SERPINA6: variants seen among roughly 807,000 people sequenced by gnomAD.
The protein encoded by SERPINA6 is serpin family A member 6, also known as corticosteroid-binding globulin.
A neutral mutation model predicts 26.4 loss-of-function variants in SERPINA6; 19 were observed. The observed-to-expected ratio is 0.72, with a 90% CI of 0.50 to 1.06. The LOEUF is 1.06. SERPINA6 is among the 50% of genes least tolerant of loss of function. The probability of loss-of-function intolerance (pLI) is 0.00; values close to 1 mark genes in which losing one functional copy is unlikely to be tolerated. For missense variants in SERPINA6, 473 were observed against 504.0 expected, an observed-to-expected ratio of 0.94 and a Z score of 0.59; for synonymous variants, 196 against 199.4, an observed-to-expected ratio of 0.98 and a Z score of 0.14.
intron 2 of SERPINA6, among the ~76,000 whole-genome samples, chr14:94,311,069 T>C (rs8005533): frequency 0.48 from 72,245 of 152,086 alleles, 18,368 homozygotes; most frequent in East Asian, 0.93. Flanking sequence ...TTGTAATAGC[T>C]ACTTATGGAG....
intron 1 of SERPINA6, chr14:94,314,892 A>G: frequency 1.7e-6 from 1 of 602,244 alleles, no homozygotes; most frequent in Non-Finnish European, 3.0e-6. Flanking sequence ...GGTACCCAAC[A>G]CTGATCTAGG....
intron 3 of SERPINA6, among the ~76,000 whole-genome samples, chr14:94,307,322 G>A (rs1205250901): frequency 6.6e-6 from 1 of 152,180 alleles, no homozygotes; most frequent in Non-Finnish European, 1.5e-5. Flanking sequence ...ACTTAAGAGA[G>A]GTTGAGGAAT....
At chr14:94,318,380 G>A (rs1895640513) in intron 1 of SERPINA6, among the ~76,000 whole-genome samples, 1 of 151,822 alleles carries the variant, frequency 6.6e-6, no homozygotes, top group African/African-American at 2.4e-5. Flanking sequence ...TACTGAAGAA[G>A]AACAAAGTTG....
Position 94,314,032 on chromosome 14 carries a change from A to C in SERPINA6, c.613+4T>G, listed in dbSNP as rs1663937802. 6.2e-7 allele frequency: 1 copy of C among 1,614,160 alleles called. No homozygotes were observed. On this transcript the variant is annotated splice_donor_region_variant and intron_variant, in intron 2 of 4. Coordinates refer to ENST00000341584, the MANE Select transcript of SERPINA6 (RefSeq NM_001756.4). ...GGCCTTCAGATGGGGATGGGTGGGA[A>C]TACCTTTGAAGAAGATATAGTTGAC... is the stretch of plus-strand genomic sequence containing the variant.
intron 1 of SERPINA6, 169 bp from the exon 2 acceptor site, chr14:94,314,836 C>G (rs1895590866): frequency 3.0e-6 from 2 of 656,536 alleles, no homozygotes; most frequent in Non-Finnish European, 5.4e-6. Context: ...GTTTCCTCAT[C>G]TGGAGATATG....
rs1566725122 is a variant in SERPINA6, at chr14:94,304,463, G to A, written c.1173C>T (p.Phe391=). 3.7e-6 allele frequency: 6 copies of A among 1,614,208 alleles called. No homozygotes were observed. In the East Asian group the frequency reaches 8.9e-5, roughly 24 times the overall value. ...TCGCCAGGAAAAGGCTGCTCCAGGT[G>A]AAGTGGTCGAAGATCATGATGATGA... The part of the protein sequence containing the change: ...QPFIIMIFDH[F]TWSSLFLARV... Residue 391 remains phenylalanine, a synonymous_variant, in exon 5 of 5, where the codon TTC becomes TTT. Coordinates refer to ENST00000341584, the MANE Select transcript of SERPINA6 (RefSeq NM_001756.4).
intron 3 of SERPINA6, among the ~76,000 whole-genome samples, chr14:94,307,611 A>T (rs1199664195): frequency 6.6e-6 from 1 of 152,208 alleles, no homozygotes; most frequent in Admixed American, 6.5e-5. Flanking sequence ...TTGTGGTATT[A>T]CACCTAAATT....
At chr14:94,321,188 A>T (rs535754420) in intron 1 of SERPINA6, among the ~76,000 whole-genome samples, 1 of 151,952 alleles carries the variant, frequency 6.6e-6, no homozygotes, top group African/African-American at 2.4e-5. Flanking sequence ...CTCTCTCAGG[A>T]CTCAGCAGTA....
At chr14:94,320,181 C>A (rs1409147584) in intron 1 of SERPINA6, among the ~76,000 whole-genome samples, 2 of 152,128 alleles carry the variant, frequency 1.3e-5, no homozygotes, top group African/African-American at 2.4e-5. Context: ...GTTGAACCAG[C>A]CATTCTGGGT....
chr14:94,317,429 C>G (rs577234318), intron 1 of SERPINA6, among the ~76,000 whole-genome samples: 5 of 152,286 alleles, frequency 3.3e-5, no homozygotes, highest in Non-Finnish European at 7.4e-5. Flanking sequence ...TGGGGTGGAG[C>G]TGTGGGAAGT....
intron 3 of SERPINA6, among the ~76,000 whole-genome samples, chr14:94,307,486 T>A (rs572674352): frequency 6.6e-6 from 1 of 152,372 alleles, no homozygotes; most frequent in Admixed American, 6.5e-5. Flanking sequence ...CACATTGAAG[T>A]ATTTTCATGA....
intron 4 of SERPINA6, among the ~76,000 whole-genome samples, chr14:94,305,457 C>T (rs563021889): frequency 6.6e-6 from 1 of 152,314 alleles, no homozygotes; most frequent in South Asian, 2.1e-4. Flanking sequence ...GAGAAGGCAG[C>T]TGTGTTGACT....
Position 94,309,910 on chromosome 14 carries a change from G to C in SERPINA6, c.710C>G (p.Ser237Trp), listed in dbSNP as rs756246894. Residue 237 changes from serine (S) to tryptophan (W), a missense_variant, in exon 3 of 5, where the codon TCG becomes TGG. Transcript: ENST00000341584. ...TVVKVPMMLQ[S>W]STISYLHDSE... Reference sequence around the variant, plus strand: ...GTCATGAAGGTAACTGATGGTGCTCGACTGCAACATCATGGGCACCTTCAC... The same window carrying C: ...GTCATGAAGGTAACTGATGGTGCTCCACTGCAACATCATGGGCACCTTCAC... 6 of 1,614,088 alleles carry C rather than the reference G, an allele frequency of 3.7e-6. No individual in the cohort carries two copies. Among genetic ancestry groups the C allele is most frequent in the Non-Finnish European group, 5.1e-6 (6 of 1,179,984 alleles).
intron 1 of SERPINA6, among the ~76,000 whole-genome samples, chr14:94,315,411 T>G (rs932174351): frequency 5.3e-5 from 8 of 152,254 alleles, no homozygotes; most frequent in African/African-American, 1.7e-4. Context: ...TTAATTTATT[T>G]TCTCTATTGT....
chr14:94,322,569 C>T (rs2139730185), intron 1 of SERPINA6, among the ~76,000 whole-genome samples: 1 of 152,280 alleles, frequency 6.6e-6, no homozygotes, highest in Middle Eastern at 3.4e-3. Context: ...TGCAGAGTAT[C>T]AATATTATTC....
intron 1 of SERPINA6, among the ~76,000 whole-genome samples, chr14:94,321,211 T>C (rs941130752): frequency 6.6e-6 from 1 of 152,176 alleles, no homozygotes; most frequent in Admixed American, 6.5e-5. Context: ...CCCTACCTCG[T>C]CTCCCTGCCT....
At chr14:94,311,495 G>A (rs1300811337) in intron 2 of SERPINA6, among the ~76,000 whole-genome samples, 1 of 152,092 alleles carries the variant, frequency 6.6e-6, no homozygotes, top group Non-Finnish European at 1.5e-5. Flanking sequence ...TCTACTTTAA[G>A]GGATCTATTC....
At position 94,314,612 on chromosome 14, in the gene SERPINA6, G is replaced by A. The variant is rs772782016; in HGVS notation, c.37C>T (p.Pro13Ser). The change falls in exon 2 of 5, where the codon CCC becomes TCC. Residue 13 changes from proline to serine, a missense_variant. Coordinates refer to ENST00000341584, the MANE Select transcript of SERPINA6 (RefSeq NM_001756.4). ...LLLYTCLLWL[P>S]TSGLWTVQAM... ...TGGACGGTCCAGAGGCCGCTGGTGGGCAGCCAGAGAAGACAGGTGTACAGG... is the reference window on the plus strand; with the variant it reads ...TGGACGGTCCAGAGGCCGCTGGTGGACAGCCAGAGAAGACAGGTGTACAGG... 35 of 1,613,986 alleles carry A rather than the reference G, an allele frequency of 2.2e-5. No homozygotes were observed. The South Asian group carries it at 3.8e-4, about 18-fold the overall frequency.
intron 1 of SERPINA6, among the ~76,000 whole-genome samples, chr14:94,322,046 G>A (rs1488832885): frequency 6.6e-6 from 1 of 152,160 alleles, no homozygotes; most frequent in African/African-American, 2.4e-5. Flanking sequence ...CTCACTTAAT[G>A]GGTCATCCTG....
Sources: allele counts gnomAD v4.1 joint callset (sites outside exome capture counted in the v4.1 genomes callset), GRCh38; gene constraint gnomAD v4.1.1; transcripts MANE v1.5; gene names NCBI Gene and HGNC (gene_info 2026-07-23, HGNC 2026-07-21).